C20orf203: variants seen among roughly 807,000 people sequenced by gnomAD.
The protein encoded by C20orf203 is chromosome 20 open reading frame 203.
In C20orf203, 16 loss-of-function variants were observed where a neutral mutation model predicts 15.9. The ratio of observed to expected loss-of-function variants is 1.01; its 90% CI spans 0.68 to 1.53. The LOEUF is 1.53. Ranked by LOEUF, C20orf203 falls within the 40% of genes most tolerant of loss-of-function variation. C20orf203 has a pLI of 0.00. For synonymous variants in C20orf203, 98 were observed against 97.2 expected (o/e 1.01, Z -0.05); for missense variants, 263 against 247.5 (o/e 1.06, Z -0.42).
At chr20:32,645,776 T>C (rs1182711479) in intron 4 of C20orf203, among the ~76,000 whole-genome samples, 1 of 152,240 alleles carries the variant, frequency 6.6e-6, no homozygotes, top group East Asian at 1.9e-4. Flanking sequence ...GAGGGGCAGC[T>C]ACTTGCCCAA....
chr20:32,663,149 C>T (rs1254159185), intron 1 of C20orf203, among the ~76,000 whole-genome samples: 1 of 151,790 alleles, frequency 6.6e-6, no homozygotes, highest in Non-Finnish European at 1.5e-5. Flanking sequence ...GGGGTTTCAC[C>T]ATGTTGGCCA....
Position 32,650,453 on chromosome 20 carries a change from T to G in C20orf203, c.564A>C (p.Ser188=). ...LISKQQFLSN[S]SRSLFN ...TCGGCTAATTAAACAGCGACCGTGA[T>G]GAATTGGAGAGAAACTGCTGCTTGC... is the stretch of plus-strand genomic sequence containing the variant. The change falls in exon 4 of 6, where the codon TCA becomes TCC. Residue 188 remains serine (S), a synonymous_variant. Coordinates refer to ENST00000608990, the MANE Select transcript of C20orf203 (RefSeq NM_182584.4). The G allele has an allele frequency of 6.5e-7, 1 of 1,550,242 alleles. No individual in the cohort carries two copies. Among genetic ancestry groups the G allele is most frequent in the Non-Finnish European group, 8.7e-7 (1 of 1,146,762 alleles).
chr20:32,637,636 T>C (rs547512571), intron 5 of C20orf203, among the ~76,000 whole-genome samples: 2 of 152,240 alleles, frequency 1.3e-5, no homozygotes, highest in African/African-American at 4.8e-5. Flanking sequence ...TTCACTAGGG[T>C]CCGTCTCTTG....
rs142551467 is a variant in C20orf203, at chr20:32,668,236, A to G, written c.-264+5396T>C. ...TATTATTGTTGATGTTGCCACTGTT[A>G]TTAACCTACAAGAACATTGAGCCCC... On this transcript the variant is annotated intron_variant, in intron 1 of 5. Transcript: ENST00000608990. Among the ~76,000 whole-genome samples the G allele has an allele frequency of 3.2e-3, 483 of 152,254 alleles. 2 individuals are homozygous for G. Among genetic ancestry groups the G allele is most frequent in the African/African-American group, 0.01 (431 of 41,538 alleles).
At chr20:32,634,823 A>G (rs1270763458) in intron 5 of C20orf203, among the ~76,000 whole-genome samples, 1 of 152,212 alleles carries the variant, frequency 6.6e-6, no homozygotes. Flanking sequence ...TATATATGAA[A>G]TGATATTAGG....
intron 4 of C20orf203, among the ~76,000 whole-genome samples, chr20:32,647,008 C>T (rs958899568): frequency 6.6e-6 from 1 of 152,240 alleles, no homozygotes; most frequent in African/African-American, 2.4e-5. Context: ...TGGTCACTCA[C>T]CACATGACAC....
intron 5 of C20orf203, among the ~76,000 whole-genome samples, chr20:32,635,886 A>G (rs1982124694): frequency 6.6e-6 from 1 of 152,178 alleles, no homozygotes; most frequent in Non-Finnish European, 1.5e-5. Context: ...CTCCTGAGCC[A>G]TGCCTCCCAG....
At chr20:32,659,208 C>T (rs559238679) in intron 1 of C20orf203, among the ~76,000 whole-genome samples, 101 of 151,988 alleles carry the variant, frequency 6.6e-4, no homozygotes, top group African/African-American at 2.3e-3. Context: ...GCAGCTGGTG[C>T]AGCTGCTGCA....
chr20:32,646,791 G>GC (rs1411486485), intron 4 of C20orf203, among the ~76,000 whole-genome samples: 1 of 152,198 alleles, frequency 6.6e-6, no homozygotes, highest in African/African-American at 2.4e-5. Flanking sequence ...GCACAGAGCT[G>GC]CTCCCCTGGC....
chr20:32,650,174 TG>T lies in C20orf203; in HGVS notation c.*257del. 1 of 490,410 alleles carries T rather than the reference TG, an allele frequency of 2.0e-6. No homozygotes were observed. Among genetic ancestry groups the T allele is most frequent in the South Asian group, 2.5e-5 (1 of 39,782 alleles). 30.4% of individuals were successfully genotyped at this position (490,410 alleles called of 1,614,324 possible). On this transcript the variant is annotated 3_prime_UTR_variant, in exon 4 of 6. Coordinates refer to ENST00000608990, the MANE Select transcript of C20orf203 (RefSeq NM_182584.4). ...CCAGCAGCTGGACAGGACCAGAGCC[TG>T]CCCCGCATGTCCGGCCGGGGTTCTA...
chr20:32,671,934 T>A, intron 1 of C20orf203, among the ~76,000 whole-genome samples: 1 of 149,012 alleles, frequency 6.7e-6, no homozygotes, highest in East Asian at 2.0e-4. Context: ...GTTCAATGGG[T>A]ATAGAGTTTC....
intron 4 of C20orf203, among the ~76,000 whole-genome samples, chr20:32,647,924 C>G (rs1451677454): frequency 6.6e-6 from 1 of 152,158 alleles, no homozygotes; most frequent in Non-Finnish European, 1.5e-5. Flanking sequence ...GTGTCAGGTC[C>G]CTCATAGTAT....
intron 1 of C20orf203, among the ~76,000 whole-genome samples, chr20:32,670,047 C>A: frequency 6.6e-6 from 1 of 151,878 alleles, no homozygotes; most frequent in Non-Finnish European, 1.5e-5. Flanking sequence ...CTAAAAAATA[C>A]AAAACTTAGC....
intron 1 of C20orf203, among the ~76,000 whole-genome samples, 192 bp from the exon 2 acceptor site, chr20:32,652,173 G>A (rs1164790258): frequency 2.0e-5 from 3 of 151,878 alleles, no homozygotes; most frequent in Admixed American, 2.0e-4. Flanking sequence ...GCTGGGTGTG[G>A]TGGTGCACGC....
chr20:32,659,015 A>T (rs1310313574), intron 1 of C20orf203, among the ~76,000 whole-genome samples: 1 of 151,964 alleles, frequency 6.6e-6, no homozygotes, highest in Non-Finnish European at 1.5e-5. Context: ...AGCTGGGACT[A>T]CAGGCATGCA....
chr20:32,643,264 CCTCT>C (rs1982333458), intron 4 of C20orf203, among the ~76,000 whole-genome samples: 1 of 152,132 alleles, frequency 6.6e-6, no homozygotes, highest in African/African-American at 2.4e-5. Context: ...AGGCACTTGG[CCTCT>C]CTGTGCCTCA....
At chr20:32,661,823 AG>A (rs900897884) in intron 1 of C20orf203, among the ~76,000 whole-genome samples, 1 of 152,144 alleles carries the variant, frequency 6.6e-6, no homozygotes, top group African/African-American at 2.4e-5. Flanking sequence ...CTCTAACAAA[AG>A]GGAGGTGACT....
At chr20:32,641,437 T>C (rs937947446) in intron 4 of C20orf203, among the ~76,000 whole-genome samples, 1 of 152,184 alleles carries the variant, frequency 6.6e-6, no homozygotes, top group Non-Finnish European at 1.5e-5. Flanking sequence ...AACATTTGTG[T>C]AAGTCTGTGT....
chr20:32,662,071 TC>T (rs1409031557), intron 1 of C20orf203, among the ~76,000 whole-genome samples: 1 of 152,070 alleles, frequency 6.6e-6, no homozygotes, highest in East Asian at 1.9e-4. Context: ...CACCACCCGC[TC>T]ACGCCCCAGG....
Sources: gnomAD v4.1 joint callset for allele counts (sites outside exome capture counted in the v4.1 genomes callset) on GRCh38, gnomAD v4.1.1 for gene constraint, MANE v1.5 for transcripts, NCBI Gene and HGNC (gene_info 2026-07-23, HGNC 2026-07-21) for gene names.